The following NECAB3 variants were observed in gnomAD, a reference collection of about 807,000 sequenced individuals.
The protein encoded by NECAB3 is N-terminal EF-hand calcium-binding protein 3.
A neutral mutation model predicts 57.2 loss-of-function variants in NECAB3; 38 were observed. The observed-to-expected ratio is 0.66, with a 90% CI of 0.51 to 0.87. The LOEUF (loss-of-function observed/expected upper bound fraction) is 0.87, where lower values mean the gene tolerates loss of function less well. Among genes scored for constraint, NECAB3 ranks in the 40% least tolerant of loss-of-function variants. The pLI is 0.00. For synonymous variants in NECAB3, 223 were observed against 222.6 expected (o/e 1.00, Z -0.02); for missense variants, 474 against 527.5 (o/e 0.90, Z 0.99).
At chr20:33,673,750 C>T (rs549204143) in intron 1 of NECAB3, among the ~76,000 whole-genome samples, 2 of 152,230 alleles carry the variant, frequency 1.3e-5, no homozygotes, top group South Asian at 4.1e-4. Flanking sequence ...CCCATGGTGG[C>T]CGCAGGGCCA....
Position 33,659,746 on chromosome 20 carries a change from C to A in NECAB3, c.644-14G>T. On this transcript the variant is annotated splice_polypyrimidine_tract_variant and intron_variant, in intron 7 of 11. Transcript: ENST00000246190. ...CTGAGCTGCGCCCTGTGTGTGGGGC[C>A]CGTGCAGGGTCAGGCAGGGGCCTCT... 1 of 1,577,154 alleles carries A rather than the reference C, an allele frequency of 6.3e-7. No individual in the cohort carries two copies. Among genetic ancestry groups the A allele is most frequent in the Non-Finnish European group, 8.6e-7 (1 of 1,165,438 alleles).
chr20:33,670,705 C>G lies in NECAB3; in HGVS notation c.242G>C (p.Gly81Ala). 2 of 1,613,914 alleles carry G rather than the reference C, an allele frequency of 1.2e-6. No individual in the cohort carries two copies. Among genetic ancestry groups the G allele is most frequent in the Non-Finnish European group, 1.7e-6 (2 of 1,179,850 alleles). Residue 81 changes from glycine to alanine, a missense_variant, in exon 3 of 12, where the codon GGC becomes GCC. Gly to Ala is a moderately conservative substitution (Grantham distance 60). Transcript: ENST00000246190. ...TCACTCGGTGAGATGCCCATCAATG[C>G]CGCTGAACAGTTCCTGCAGCTCCCC... Reference protein sequence around the residue: ...SLGELQELFSGIDGHLTDNLE... With the variant: ...SLGELQELFSAIDGHLTDNLE...
intron 1 of NECAB3, 68 bp downstream of exon 1, chr20:33,674,156 C>A (rs1033831342): frequency 8.2e-7 from 1 of 1,222,608 alleles, no homozygotes; most frequent in Non-Finnish European, 1.0e-6. Flanking sequence ...GCCCGAACAA[C>A]CCCGGAGGGT....
Position 33,658,526 on chromosome 20 carries a change from C to T in NECAB3, c.1021G>A (p.Ala341Thr), listed in dbSNP as rs2122451003. The T allele has an allele frequency of 6.2e-7, 1 of 1,614,066 alleles. No homozygotes were observed. ...HVSAQKMLDG[A>T]SFTLYEFWQD... is the part of the protein sequence containing the mutation. ...CAGAACTCATACAGGGTGAAGGAGG[C>T]ACCGTCCAGCATCTTCTGGGCGGAC... The change falls in exon 10 of 12, where the codon GCC (alanine) becomes ACC (threonine). Residue 341 changes from alanine (A) to threonine (T), a missense_variant. Coordinates refer to ENST00000246190, the MANE Select transcript of NECAB3 (RefSeq NM_031232.4).
At chr20:33,670,886 G>C (rs775329226) in intron 2 of NECAB3, 94 bp from the exon 3 acceptor site, 28 of 817,470 alleles carry the variant, frequency 3.4e-5, no homozygotes, top group Non-Finnish European at 4.7e-5. Context: ...AGGCCTCATA[G>C]CATCTGACAA....
intron 4 of NECAB3, 66 bp downstream of exon 4, chr20:33,669,621 C>T: frequency 5.7e-5 from 89 of 1,550,762 alleles, no homozygotes; most frequent in Non-Finnish European, 7.6e-5. Context: ...CAGCAACAGT[C>T]CCTTGCCACA....
At chr20:33,667,512 G>A in intron 5 of NECAB3, 14 of 1,523,980 alleles carry the variant, frequency 9.2e-6, no homozygotes, top group Non-Finnish European at 1.1e-5. Context: ...CTAGCACCGC[G>A]TTGCTGGCGC....
chr20:33,667,692 T>A, intron 5 of NECAB3: 1 of 1,612,078 alleles, frequency 6.2e-7, no homozygotes, highest in South Asian at 1.1e-5. Context: ...CGGCGAACCC[T>A]GACCTCTTGC....
In NECAB3 at chr20:33,660,405, A is replaced by G. The variant is rs376909940; in HGVS notation, c.388-10T>C. On this transcript the variant is annotated splice_polypyrimidine_tract_variant and intron_variant, in intron 5 of 11. Transcript: ENST00000246190. The surrounding 1 kb of genome is among the most constrained non-coding windows in gnomAD (Gnocchi z 4.1). ...AGGCCCTCTCGTACTCCTGTGGGCC[A>G]AGGAGGGACGGTCAGCATCTCCCAG... 11 of 1,612,040 alleles carry G rather than the reference A, an allele frequency of 6.8e-6. No individual in the cohort carries two copies. The highest frequency in any genetic ancestry group is 8.5e-6 in the Non-Finnish European group (10 of 1,178,742).
At chr20:33,670,388 C>T in intron 3 of NECAB3, 1 of 352,338 alleles carries the variant, frequency 2.8e-6, no homozygotes, top group Non-Finnish European at 5.2e-6. Flanking sequence ...TGGAAGCAGG[C>T]GGGGCCCAGC....
In NECAB3 at chr20:33,659,661, C is replaced by G. The variant is rs749527745; in HGVS notation, c.715G>C (p.Glu239Gln). Residue 239 changes from glutamate to glutamine, a missense_variant, in exon 8 of 12, where the codon GAG (glutamate) becomes CAG (glutamine). Transcript: ENST00000246190. Reference sequence around the variant, plus strand: ...GGCCCCACGGCCCTCACCTTGCACTCGAGCTGGTCGATGAGCTCCTGGAGG... The same window carrying G: ...GGCCCCACGGCCCTCACCTTGCACTGGAGCTGGTCGATGAGCTCCTGGAGG... Reference protein sequence around the residue: ...NRLQELIDQLECKVRAVGPGP... With the variant: ...NRLQELIDQLQCKVRAVGPGP... The G allele has an allele frequency of 7.5e-6, 12 of 1,610,692 alleles. No individual in the cohort carries two copies. In the African/African-American group the frequency reaches 1.2e-4, roughly 16 times the overall value.
chr20:33,658,820 G>T lies in NECAB3; in HGVS notation c.894C>A (p.Ala298=). 1 of 1,613,276 alleles carries T rather than the reference G, an allele frequency of 6.2e-7. No homozygotes were observed. The highest frequency in any genetic ancestry group is 1.1e-5 in the South Asian group (1 of 91,030). ...CCTCTGCCACCTGGACCTGCCTCTG[G>T]GCCATGAGGATGTGCTGGTGGGAGA... The part of the protein sequence containing the change: ...AKGPDLHILM[A]QRQVQVAEEG... The change falls in exon 9 of 12, where the codon GCC becomes GCA. Residue 298 remains alanine (A), a synonymous_variant. Transcript: ENST00000246190.
chr20:33,672,664 G>T (rs551453938), intron 1 of NECAB3, among the ~76,000 whole-genome samples: 1 of 152,190 alleles, frequency 6.6e-6, no homozygotes, highest in Non-Finnish European at 1.5e-5. Flanking sequence ...GCCTGGCCTC[G>T]TGGGGGGTGC....
At chr20:33,669,209 G>T (rs2017771081) in intron 5 of NECAB3, 166 bp downstream of exon 5, 1 of 625,754 alleles carries the variant, frequency 1.6e-6, no homozygotes, top group South Asian at 1.9e-5. Context: ...TACAGATGAG[G>T]AAACAGGCCC....
intron 1 of NECAB3, among the ~76,000 whole-genome samples, chr20:33,673,476 G>A (rs562760001): frequency 6.6e-6 from 1 of 152,304 alleles, no homozygotes; most frequent in Non-Finnish European, 1.5e-5. Context: ...TGGGAATGGG[G>A]ACATCTGGGG....
chr20:33,669,632 C>T (rs373380227), intron 4 of NECAB3, 55 bp downstream of exon 4: 35 of 1,556,338 alleles, frequency 2.2e-5, no homozygotes, highest in Admixed American at 1.4e-4. Flanking sequence ...CCTTGCCACA[C>T]GTACCCTGGG....
At position 33,668,183 on chromosome 20, in the gene NECAB3, G is replaced by C. The variant is rs1178657681; in HGVS notation, c.387+1192C>G. 2.5e-6 allele frequency: 4 copies of C among 1,611,108 alleles called. No individual in the cohort carries two copies. Among genetic ancestry groups the C allele is most frequent in the Non-Finnish European group, 3.4e-6 (4 of 1,178,908 alleles). On this transcript the variant is annotated intron_variant, in intron 5 of 11. Transcript: ENST00000246190. ...TCCTTCCAGCGCCGCTGGATAACTC[G>C]GGCCATGTACCAGGAGTGTGGCTCC...
intron 5 of NECAB3, chr20:33,667,628 G>T (rs375079608): frequency 6.2e-7 from 1 of 1,602,670 alleles, no homozygotes; most frequent in Admixed American, 1.7e-5. Flanking sequence ...GCCACCTTCC[G>T]ACTGAACGTG....
intron 2 of NECAB3, chr20:33,672,099 G>A: frequency 2.1e-6 from 1 of 477,990 alleles, no homozygotes; most frequent in Non-Finnish European, 3.8e-6. Context: ...CTAGCTGGTG[G>A]TTGTGAGGAC....
Sources: allele counts gnomAD v4.1 joint callset (sites outside exome capture counted in the v4.1 genomes callset), GRCh38; gene constraint gnomAD v4.1.1; non-coding constraint Gnocchi (gnomAD v3.1); transcripts MANE v1.5; gene names NCBI Gene and HGNC (gene_info 2026-07-23, HGNC 2026-07-21).